STK32B: variants seen among roughly 807,000 people sequenced by gnomAD.
STK32B encodes serine/threonine-protein kinase 32B.
STK32B carries 43 observed loss-of-function variants against 52.6 expected under a neutral mutation model. The ratio of observed to expected loss-of-function variants is 0.82; its 90% CI spans 0.64 to 1.05. The LOEUF (loss-of-function observed/expected upper bound fraction) is 1.05. Among genes scored for constraint, STK32B ranks in the 50% least tolerant of loss-of-function variants. The pLI is 0.00. For missense variants in STK32B, 621 were observed against 534.6 expected, an observed-to-expected ratio of 1.16 and a Z score of -1.59; for synonymous variants, 238 against 204.3, an observed-to-expected ratio of 1.17 and a Z score of -1.41.
intron 3 of STK32B, among the ~76,000 whole-genome samples, chr4:5,312,341 G>T (rs1413901869): frequency 6.6e-6 from 1 of 151,654 alleles, no homozygotes; most frequent in Non-Finnish European, 1.5e-5. Context: ...ACAATGTGCA[G>T]GTAGTTACAT....
At chr4:5,404,925 G>A (rs759173762) in intron 5 of STK32B, among the ~76,000 whole-genome samples, 17 of 146,062 alleles carry the variant, frequency 1.2e-4, no homozygotes, top group African/African-American at 2.3e-4. Flanking sequence ...GGAGTGCGGC[G>A]GTGCCATCTC....
chr4:5,335,182 A>G (rs964035129), intron 4 of STK32B, among the ~76,000 whole-genome samples: 1 of 152,166 alleles, frequency 6.6e-6, no homozygotes, highest in African/African-American at 2.4e-5. Flanking sequence ...TCAGAGATTC[A>G]TCTTCTTCCT....
At chr4:5,129,612 T>G (rs1206933330) in intron 1 of STK32B, among the ~76,000 whole-genome samples, 7 of 152,186 alleles carry the variant, frequency 4.6e-5, no homozygotes, top group Non-Finnish European at 1.0e-4. Flanking sequence ...ACAACCTTGA[T>G]TATAATTATG....
At chr4:5,458,468 C>T (rs1716756559) in intron 8 of STK32B, 1 of 152,194 alleles carries the variant, frequency 6.6e-6, no homozygotes, top group East Asian at 1.9e-4. Context: ...AAAGCTGAGG[C>T]ATAGGAAACC....
At position 5,240,995 on chromosome 4, in the gene STK32B, G is replaced by T. The variant is rs28631025; in HGVS notation, c.260+72545G>T. ...TTCTTTTTGTAAGTCCTTCCATCCT[G>T]TTCTTCTTCAAGAAGAATCTTCTTA... On this transcript the variant is annotated intron_variant, in intron 3 of 11. Coordinates refer to ENST00000282908, the MANE Select transcript of STK32B (RefSeq NM_018401.3). Among the ~76,000 whole-genome samples, 537 of 152,090 alleles carry T rather than the reference G, an allele frequency of 3.5e-3. 4 individuals are homozygous for T. Among genetic ancestry groups the T allele is most frequent in the Middle Eastern group, 0.017 (5 of 294 alleles).
chr4:5,067,199 C>T (rs571262403), intron 1 of STK32B, among the ~76,000 whole-genome samples: 6 of 152,290 alleles, frequency 3.9e-5, no homozygotes, highest in African/African-American at 1.4e-4. Context: ...ATAAAACCGT[C>T]AGATCTCATG....
rs1376474626 is a variant in STK32B, at chr4:5,394,318, C to A, written c.435-3889C>A. Among the ~76,000 whole-genome samples the A allele has an allele frequency of 6.6e-6, 1 of 152,172 alleles. No individual in the cohort carries two copies. The highest frequency in any genetic ancestry group is 2.4e-5 in the African/African-American group (1 of 41,448). On this transcript the variant is annotated intron_variant, in intron 4 of 11. Coordinates refer to ENST00000282908, the MANE Select transcript of STK32B (RefSeq NM_018401.3). This position sits in a 1 kb window ranked among gnomAD's most constrained non-coding sequence, Gnocchi z 4.2. Reference sequence around the variant, plus strand: ...TCAGGAAACATCGTCACCGCCTTCCCATCCATGCAATGCTCCTGATGCCCT... The same window carrying A: ...TCAGGAAACATCGTCACCGCCTTCCAATCCATGCAATGCTCCTGATGCCCT...
chr4:5,312,224 C>G (rs1322484657), intron 3 of STK32B, among the ~76,000 whole-genome samples: 1 of 150,024 alleles, frequency 6.7e-6, no homozygotes, highest in East Asian at 1.9e-4. Context: ...TGTTGTTTTT[C>G]TAGAAGCTTT....
chr4:5,031,954 AG>A, the STK32B span, among the ~76,000 whole-genome samples: 2 of 152,352 alleles, frequency 1.3e-5, no homozygotes, highest in East Asian at 3.9e-4. Context: ...ACTGGGAAAC[AG>A]ATACCACCTT....
chr4:5,210,218 T>TCTC (rs1161764934), intron 3 of STK32B, among the ~76,000 whole-genome samples: 1 of 152,004 alleles, frequency 6.6e-6, no homozygotes, highest in African/African-American at 2.4e-5. Context: ...CCCTTGTCTT[T>TCTC]CTCCTCCTCC....
At chr4:5,479,133 T>TC (rs1449961422) in intron 11 of STK32B, among the ~76,000 whole-genome samples, 1 of 151,232 alleles carries the variant, frequency 6.6e-6, no homozygotes. Context: ...GTTTTTTTTT[T>TC]TTTTTAGATG....
chr4:5,486,384 G>C (rs1719205548), intron 11 of STK32B, among the ~76,000 whole-genome samples: 1 of 152,344 alleles, frequency 6.6e-6, no homozygotes, highest in African/African-American at 2.4e-5. Context: ...GATCCTCCCA[G>C]CCAGGCGCGG....
At position 5,459,994 on chromosome 4, in the gene STK32B, G is replaced by T. The variant is rs182402492; in HGVS notation, c.784-109G>T. 45 of 1,500,376 alleles carry T rather than the reference G, an allele frequency of 3.0e-5. No homozygotes were observed. The African/African-American group carries it at 5.0e-4, about 17-fold the overall frequency. 92.9% of individuals were successfully genotyped at this position (1,500,376 alleles called of 1,614,324 possible). A position where few individuals can be genotyped will look rare whatever the true frequency, so the allele number is the denominator to read the frequency against. ...CCAGACGGGGCACAACATCAATAGA[G>T]CGTGAAGAGCAGAGGCACATTAATT... On this transcript the variant is annotated intron_variant, in intron 8 of 11. Coordinates refer to ENST00000282908, the MANE Select transcript of STK32B (RefSeq NM_018401.3).
intron 6 of STK32B, among the ~76,000 whole-genome samples, chr4:5,442,202 G>C (rs1424525899): frequency 7.3e-6 from 1 of 136,712 alleles, no homozygotes; most frequent in Admixed American, 7.6e-5. Context: ...TTGACAGTGG[G>C]GTGTTAAAGT....
intron 4 of STK32B, among the ~76,000 whole-genome samples, chr4:5,346,308 C>T (rs1733454291): frequency 6.6e-6 from 1 of 152,174 alleles, no homozygotes; most frequent in Non-Finnish European, 1.5e-5. Context: ...CATTTAATAG[C>T]AGTGTACATG....
the STK32B span, among the ~76,000 whole-genome samples, chr4:5,043,839 G>T: frequency 2.6e-5 from 4 of 152,258 alleles, no homozygotes; most frequent in African/African-American, 9.6e-5. Context: ...TCCCAGTAGG[G>T]CTACCTGTCT....
At chr4:5,029,731 C>G in the STK32B span, among the ~76,000 whole-genome samples, 1 of 152,190 alleles carries the variant, frequency 6.6e-6, no homozygotes, top group Non-Finnish European at 1.5e-5. Flanking sequence ...GCGCCCATCT[C>G]CAGAGCTGCA....
chr4:5,147,535 C>T (rs1181162423), intron 2 of STK32B, among the ~76,000 whole-genome samples: 1 of 152,052 alleles, frequency 6.6e-6, no homozygotes, highest in Non-Finnish European at 1.5e-5. Flanking sequence ...AGTCTTTCTT[C>T]ATTAAGAACA....
At chr4:5,358,692 C>A (rs989636037) in intron 4 of STK32B, among the ~76,000 whole-genome samples, 1 of 136,720 alleles carries the variant, frequency 7.3e-6, no homozygotes, top group Non-Finnish European at 1.5e-5. Flanking sequence ...AGGACACATT[C>A]ACACACATGC....
Sources: gnomAD v4.1 joint callset for allele counts (sites outside exome capture counted in the v4.1 genomes callset) on GRCh38, gnomAD v4.1.1 for gene constraint, Gnocchi (gnomAD v3.1) non-coding constraint, MANE v1.5 for transcripts, NCBI Gene and HGNC (gene_info 2026-07-23, HGNC 2026-07-21) for gene names.